The following ZNF33A variants were observed in gnomAD, a reference collection of about 807,000 sequenced individuals.
ZNF33A encodes the protein brain my041 protein.
In ZNF33A, 9 loss-of-function variants were observed where a neutral mutation model predicts 15.9. That is an observed-to-expected ratio of 0.57 (90% CI 0.34 to 0.99). The LOEUF is 0.99. Among genes scored for constraint, ZNF33A ranks in the 50% least tolerant of loss-of-function variants. ZNF33A has a pLI of 0.02. For missense variants in ZNF33A, 843 were observed against 941.6 expected (o/e 0.90, Z 1.37); for synonymous variants, 294 against 324.2 (o/e 0.91, Z 1.00).
chr10:38,028,523 A>G (rs981892513), intron 4 of ZNF33A, among the ~76,000 whole-genome samples: 12 of 150,342 alleles, frequency 8.0e-5, no homozygotes, highest in African/African-American at 2.9e-4. Flanking sequence ...GCTGGGGTGC[A>G]GTGGTACGAT....
rs1263184467 is a variant in ZNF33A, at chr10:38,055,724, T to G, written c.1600T>G (p.Phe534Val). Residue 534 changes from phenylalanine (F) to valine (V), a missense_variant, in exon 5 of 5, where the codon TTC (phenylalanine) becomes GTC (valine). Physicochemically the swap from Phe to Val is conservative, Grantham distance 50. Transcript: ENST00000432900. ...TGAATGTTATGAATGTGGGAAAACC[T>G]TCTGCTTGAAGTCAGACCTCACAGT... ...PYECYECGKTFCLKSDLTVHQ... is the reference protein window; with the variant it reads ...PYECYECGKTVCLKSDLTVHQ... 6.2e-7 allele frequency: 1 copy of G among 1,613,798 alleles called. No individual in the cohort carries two copies. Among genetic ancestry groups the G allele is most frequent in the East Asian group, 2.2e-5 (1 of 44,820 alleles).
In ZNF33A at chr10:38,058,496, G is replaced by A. The variant is rs552972757; in HGVS notation, c.*1936G>A. ...TAATAACCTTCCAAGGCCAGGTACA[G>A]TGGTTCATGCCTGTAATCCCAGCAC... On this transcript the variant is annotated 3_prime_UTR_variant, in exon 5 of 5. Coordinates refer to ENST00000432900, the MANE Select transcript of ZNF33A (RefSeq NM_006954.2). 40 of 152,356 alleles carry A rather than the reference G, an allele frequency of 2.6e-4. No homozygotes were observed. The highest frequency in any genetic ancestry group is 9.1e-4 in the African/African-American group (38 of 41,578). 9.4% of individuals were successfully genotyped at this position (152,356 alleles called of 1,614,324 possible).
chr10:38,064,808 C>T (rs1564893170), downstream of ZNF33A: 1 of 152,084 alleles, frequency 6.6e-6, no homozygotes, highest in Non-Finnish European at 1.5e-5. Flanking sequence ...TCCCCATAGT[C>T]AAAAGCATTT....
intron 4 of ZNF33A, among the ~76,000 whole-genome samples, chr10:38,042,526 A>G (rs892906355): frequency 3.8e-5 from 3 of 78,260 alleles, no homozygotes; most frequent in Admixed American, 1.2e-4. Flanking sequence ...TTGCTTTGTT[A>G]TTTGTTTCCT....
downstream of ZNF33A, among the ~76,000 whole-genome samples, chr10:38,067,426 A>G (rs930673431): frequency 1.2e-4 from 19 of 152,200 alleles, no homozygotes; most frequent in Middle Eastern, 3.2e-3. Context: ...TGCTTAAACA[A>G]TGCTTGAAGG....
intron 2 of ZNF33A, among the ~76,000 whole-genome samples, chr10:38,012,702 G>C (rs2064251058): frequency 6.6e-6 from 1 of 152,166 alleles, no homozygotes; most frequent in Non-Finnish European, 1.5e-5. Context: ...AAAGTGCTGG[G>C]ATTACAAGCG....
chr10:38,055,579 A>G lies in ZNF33A; in HGVS notation c.1455A>G (p.Thr485=), dbSNP rs567669586. 9 of 1,614,116 alleles carry G rather than the reference A, an allele frequency of 5.6e-6. No homozygotes were observed. The East Asian group carries it at 1.1e-4, about 20-fold the overall frequency. ...CCTTTAGTGAAAAGTCAAATCTTAC[A>G]CAGCATCAGAGAATTCACATAGGAG... The part of the protein sequence containing the change: ...GKSFSEKSNL[T]QHQRIHIGDK... Residue 485 remains threonine (T), a synonymous_variant, in exon 5 of 5, where the codon ACA becomes ACG. Transcript: ENST00000432900.
intron 4 of ZNF33A, chr10:38,039,605 A>T (rs1484681768): frequency 4.4e-6 from 2 of 450,402 alleles, no homozygotes. Flanking sequence ...TTTCTACTTG[A>T]GTTGGTTTTA....
At chr10:38,038,940 G>A (rs764425742) in intron 4 of ZNF33A, among the ~76,000 whole-genome samples, 67 of 152,078 alleles carry the variant, frequency 4.4e-4, no homozygotes, top group Middle Eastern at 3.2e-3. Flanking sequence ...CTTGATAATT[G>A]TATGTAACCC....
chr10:38,010,557 C>T (rs2064118194), upstream of ZNF33A: 1 of 793,058 alleles, frequency 1.3e-6, no homozygotes, highest in South Asian at 1.4e-5. Flanking sequence ...CACTTCTCTA[C>T]CAATCCGAAG....
chr10:38,047,820 C>T (rs1369296365), intron 4 of ZNF33A, among the ~76,000 whole-genome samples: 2 of 151,898 alleles, frequency 1.3e-5, no homozygotes, highest in Non-Finnish European at 2.9e-5. Flanking sequence ...CTAAGAAGCT[C>T]ATCAAACCCT....
intron 4 of ZNF33A, among the ~76,000 whole-genome samples, chr10:38,025,759 G>A (rs1420976877): frequency 6.6e-6 from 1 of 152,238 alleles, no homozygotes; most frequent in Non-Finnish European, 1.5e-5. Flanking sequence ...TGATGCTGGA[G>A]CATTTTAACG....
intron 2 of ZNF33A, among the ~76,000 whole-genome samples, chr10:38,012,617 A>T (rs2064244434): frequency 6.6e-6 from 1 of 151,766 alleles, no homozygotes; most frequent in South Asian, 2.1e-4. Context: ...GTTTTAATAG[A>T]GACAGGGTTT....
At chr10:38,050,044 C>G (rs1358362152) in intron 4 of ZNF33A, among the ~76,000 whole-genome samples, 3 of 152,150 alleles carry the variant, frequency 2.0e-5, no homozygotes, top group Non-Finnish European at 4.4e-5. Context: ...AAAGAAAACC[C>G]CAGGTCCCCA....
intron 4 of ZNF33A, among the ~76,000 whole-genome samples, chr10:38,047,574 C>T (rs1199596111): frequency 4.7e-5 from 6 of 127,346 alleles, no homozygotes; most frequent in Non-Finnish European, 7.9e-5. Context: ...TGCAGTGAGC[C>T]GAGATTGCAC....
intron 2 of ZNF33A, 40 bp downstream of exon 2, chr10:38,012,390 A>G (rs753637710): frequency 2.0e-6 from 3 of 1,494,874 alleles, no homozygotes; most frequent in African/African-American, 2.8e-5. Context: ...TTTGCAGTGG[A>G]CTTTGTGAGA....
At chr10:38,014,542 G>T (rs2064356573) in intron 2 of ZNF33A, among the ~76,000 whole-genome samples, 1 of 152,188 alleles carries the variant, frequency 6.6e-6, no homozygotes, top group Non-Finnish European at 1.5e-5. Context: ...ACTTCTGTAT[G>T]AGGTAGATGT....
intron 4 of ZNF33A, among the ~76,000 whole-genome samples, chr10:38,051,885 G>A (rs2066225408): frequency 6.6e-6 from 1 of 152,052 alleles, no homozygotes; most frequent in East Asian, 1.9e-4. Flanking sequence ...AAATCCATAT[G>A]ACCATTTCAA....
chr10:38,016,123 C>T (rs1332350548), intron 2 of ZNF33A: 1 of 747,334 alleles, frequency 1.3e-6, no homozygotes, highest in African/African-American at 1.8e-5. Context: ...AGGATTAGAA[C>T]CCAGAATATG....
Sources: gnomAD v4.1 joint callset for allele counts (sites outside exome capture counted in the v4.1 genomes callset) on GRCh38, gnomAD v4.1.1 for gene constraint, MANE v1.5 for transcripts, NCBI Gene and HGNC (gene_info 2026-07-23, HGNC 2026-07-21) for gene names.